Variants in LSAMP observed in about 807,000 individuals in gnomAD.
LSAMP encodes limbic system associated membrane protein.
LSAMP carries 7 observed loss-of-function variants against 38.6 expected under a neutral mutation model. The ratio of observed to expected loss-of-function variants is 0.18; its 90% confidence interval spans 0.10 to 0.34. The LOEUF (loss-of-function observed/expected upper bound fraction) is 0.34. Ranked by LOEUF, LSAMP falls within the 10% of genes least tolerant of loss-of-function variation. The pLI, the probability that LSAMP is intolerant of heterozygous loss-of-function variation, is 1.00. For synonymous variants in LSAMP, 154 were observed against 166.8 expected (o/e 0.92, Z 0.59); for missense variants, 313 against 420.0 (o/e 0.75, Z 2.23).
At chr3:116,332,187 T>C (rs2047861414) in intron 1 of LSAMP, among the ~76,000 whole-genome samples, 1 of 152,138 alleles carries the variant, frequency 6.6e-6, no homozygotes, top group Non-Finnish European at 1.5e-5. Context: ...TTCTGCATGA[T>C]AGAAATTATT....
chr3:116,403,850 A>C (rs1167050085), intron 1 of LSAMP, among the ~76,000 whole-genome samples: 4 of 151,948 alleles, frequency 2.6e-5, no homozygotes, highest in African/African-American at 9.7e-5. Flanking sequence ...TCCTGGGCTC[A>C]AGCAATCCTC....
chr3:116,438,784 T>A (rs1005536531), intron 1 of LSAMP, among the ~76,000 whole-genome samples: 1 of 152,196 alleles, frequency 6.6e-6, no homozygotes, highest in African/African-American at 2.4e-5. Flanking sequence ...GTTATTTCCA[T>A]AGACGTTATG....
intron 3 of LSAMP, among the ~76,000 whole-genome samples, chr3:115,960,541 C>T (rs1366850345): frequency 6.6e-6 from 1 of 152,132 alleles, no homozygotes; most frequent in Non-Finnish European, 1.5e-5. Flanking sequence ...TGCATGTTGT[C>T]ATCTTTTAGG....
chr3:115,964,409 C>T (rs1003887527), intron 3 of LSAMP, among the ~76,000 whole-genome samples: 1 of 152,058 alleles, frequency 6.6e-6, no homozygotes, highest in African/African-American at 2.4e-5. Context: ...GAAGTACATC[C>T]ATGTAGGTAC....
intron 1 of LSAMP, among the ~76,000 whole-genome samples, chr3:116,357,562 T>G (rs1051004149): frequency 2.0e-5 from 3 of 152,128 alleles, no homozygotes; most frequent in African/African-American, 7.2e-5. Flanking sequence ...ATACTAGGTA[T>G]AGAGGATTGC....
rs117154211 is a variant in LSAMP, at chr3:116,173,246, G to A, written c.156-86690C>T. 4.1e-4 allele frequency among the ~76,000 whole-genome samples: 63 copies of A among 152,126 alleles called. No homozygotes were observed. In the East Asian group the frequency reaches 0.012, roughly 28 times the overall value. ...AAAAGGAGGCAGGTTAGCTGTCCTGGATGCAAGCATGGGCCTCTTGTAACA... is the reference window on the plus strand; with the variant it reads ...AAAAGGAGGCAGGTTAGCTGTCCTGAATGCAAGCATGGGCCTCTTGTAACA... On this transcript the variant is annotated intron_variant, in intron 1 of 6. Transcript: ENST00000490035.
intron 2 of LSAMP, among the ~76,000 whole-genome samples, chr3:116,043,662 C>A (rs1450398110): frequency 6.6e-6 from 1 of 151,994 alleles, no homozygotes; most frequent in South Asian, 2.1e-4. Flanking sequence ...AAAAAATATT[C>A]TTGCCGGGCG....
rs577736458 is a variant in LSAMP at position 116,356,220 on chromosome 3, T to C, written c.155+88657A>G. 3.3e-5 allele frequency among the ~76,000 whole-genome samples: 5 copies of C among 152,278 alleles called. No individual in the cohort carries two copies. In the East Asian group the frequency reaches 9.6e-4, roughly 29 times the overall value. On this transcript the variant is annotated intron_variant, in intron 1 of 6. Coordinates refer to ENST00000490035, the MANE Select transcript of LSAMP (RefSeq NM_002338.5). ...GACAAGTAGATAAAGAAGATGTACA[T>C]ATTATATACAATGGAGTACTATGCA...
intron 3 of LSAMP, among the ~76,000 whole-genome samples, chr3:115,982,953 T>G (rs1374412142): frequency 7.4e-6 from 1 of 134,932 alleles, no homozygotes; most frequent in Admixed American, 7.9e-5. Flanking sequence ...TTTTTTTAAA[T>G]CCAGTCTAAG....
chr3:116,005,973 T>C (rs1445782717), intron 3 of LSAMP, among the ~76,000 whole-genome samples: 3 of 152,060 alleles, frequency 2.0e-5, no homozygotes, highest in Admixed American at 6.6e-5. Flanking sequence ...ATAGCAGTCA[T>C]AAAGAAACAT....
intron 3 of LSAMP, among the ~76,000 whole-genome samples, chr3:116,015,101 A>G (rs1044286870): frequency 6.6e-6 from 1 of 152,120 alleles, no homozygotes; most frequent in Non-Finnish European, 1.5e-5. Flanking sequence ...CACTCCATCA[A>G]ATTGCAAAAT....
intron 2 of LSAMP, among the ~76,000 whole-genome samples, chr3:116,035,423 C>A (rs1941025052): frequency 1.3e-5 from 2 of 152,062 alleles, no homozygotes; most frequent in South Asian, 4.1e-4. Flanking sequence ...AAGGGAACAT[C>A]AAATTAGTCT....
chr3:116,432,276 T>C (rs1004903367), intron 1 of LSAMP, among the ~76,000 whole-genome samples: 2 of 151,894 alleles, frequency 1.3e-5, no homozygotes, highest in African/African-American at 4.8e-5. Flanking sequence ...GTACGTAAAT[T>C]TTATGTACAT....
At chr3:116,346,752 G>C (rs1029563327) in intron 1 of LSAMP, among the ~76,000 whole-genome samples, 1 of 152,158 alleles carries the variant, frequency 6.6e-6, no homozygotes, top group African/African-American at 2.4e-5. Flanking sequence ...TTTCAGGCAG[G>C]CCTGAAAATT....
chr3:116,012,172 A>G (rs914154637), intron 3 of LSAMP, among the ~76,000 whole-genome samples: 1 of 152,218 alleles, frequency 6.6e-6, no homozygotes. Flanking sequence ...GATGAATTTT[A>G]TTGTGCAAGC....
intron 3 of LSAMP, among the ~76,000 whole-genome samples, chr3:115,956,310 T>C (rs1938453260): frequency 6.7e-6 from 1 of 150,092 alleles, no homozygotes; most frequent in East Asian, 1.9e-4. Flanking sequence ...CATCCAGGAA[T>C]GAGCAGCTGT....
At chr3:116,417,400 A>G (rs1338724574) in intron 1 of LSAMP, among the ~76,000 whole-genome samples, 1 of 152,202 alleles carries the variant, frequency 6.6e-6, no homozygotes, top group Non-Finnish European at 1.5e-5. Context: ...GGATGGCTAA[A>G]CCAGAGTGAG....
chr3:115,899,765 T>C (rs1267569021), intron 3 of LSAMP, among the ~76,000 whole-genome samples: 1 of 152,190 alleles, frequency 6.6e-6, no homozygotes, highest in Non-Finnish European at 1.5e-5. Context: ...TTAAATATCC[T>C]GAGAAGGGGA....
At chr3:116,340,486 A>G (rs1339499455) in intron 1 of LSAMP, among the ~76,000 whole-genome samples, 2 of 151,972 alleles carry the variant, frequency 1.3e-5, no homozygotes, top group African/African-American at 4.8e-5. Flanking sequence ...AAAAAGTACT[A>G]TCTGTCCTTC....
Sources: allele counts gnomAD v4.1 joint callset (sites outside exome capture counted in the v4.1 genomes callset), GRCh38; gene constraint gnomAD v4.1.1; transcripts MANE v1.5; gene names NCBI Gene and HGNC (gene_info 2026-07-23, HGNC 2026-07-21).